PLOD2: variants seen among roughly 807,000 people sequenced by gnomAD.
PLOD2 encodes procollagen-lysine,2-oxoglutarate 5-dioxygenase 2.
In PLOD2, 65 loss-of-function variants were observed where a neutral mutation model predicts 101.0. The ratio of observed to expected loss-of-function variants is 0.64; its 90% CI spans 0.53 to 0.79. The LOEUF (loss-of-function observed/expected upper bound fraction) is 0.79, where lower values mean the gene tolerates loss of function less well. PLOD2 is among the 30% of genes least tolerant of loss of function. The pLI, the probability that PLOD2 is intolerant of heterozygous loss-of-function variation, is 0.00. For synonymous variants in PLOD2, 314 were observed against 302.9 expected (o/e 1.04, Z -0.38); for missense variants, 909 against 914.6 (o/e 0.99, Z 0.08).
Position 146,088,675 on chromosome 3 carries a change from G to T in PLOD2, c.916C>A (p.Gln306Lys). The T allele has an allele frequency of 6.2e-7, 1 of 1,607,384 alleles. No individual in the cohort carries two copies. Among genetic ancestry groups the T allele is most frequent in the Non-Finnish European group, 8.5e-7 (1 of 1,174,420 alleles). Residue 306 changes from glutamine to lysine, a missense_variant, in exon 9 of 20, where the codon CAA (glutamine) becomes AAA (lysine). Transcript: ENST00000282903. ...AACCGAGGTAGAAAAGGGGTTGGTT[G>T]CTCAATAAAAACACCTATTGATACG... is the stretch of plus-strand genomic sequence containing the variant. The part of the protein sequence containing the change: ...PNVSIGVFIE[Q>K]PTPFLPRFLD...
intron 11 of PLOD2, among the ~76,000 whole-genome samples, chr3:146,082,696 G>A (rs1936603101): frequency 6.6e-6 from 1 of 151,982 alleles, no homozygotes; most frequent in Admixed American, 6.6e-5. Flanking sequence ...TTTGAGACCA[G>A]CCTGACCAAC....
rs565505620 is a variant in PLOD2, at chr3:146,095,017, T to C, written c.778-3116A>G. The stretch of plus-strand genomic sequence containing the variant: ...TAGTGCTGGGAAAACTGGCTAGCCA[T>C]ATGCAGAAAACAGAAACTGGACCTC... On this transcript the variant is annotated intron_variant, in intron 7 of 19. Transcript: ENST00000282903. 1.6e-4 allele frequency among the ~76,000 whole-genome samples: 25 copies of C among 152,222 alleles called. No individual in the cohort carries two copies. The South Asian group carries it at 3.5e-3, about 21-fold the overall frequency.
At chr3:146,092,498 A>G (rs1937008855) in intron 7 of PLOD2, among the ~76,000 whole-genome samples, 1 of 152,116 alleles carries the variant, frequency 6.6e-6, no homozygotes, top group Admixed American at 6.5e-5. Flanking sequence ...CTTGCAGATC[A>G]AAACAGATCT....
intron 7 of PLOD2, among the ~76,000 whole-genome samples, chr3:146,098,537 C>T (rs374503883): frequency 6.6e-6 from 1 of 151,942 alleles, no homozygotes. Context: ...ACTGAGGAGA[C>T]ATAAAAACTG....
At chr3:146,155,829 T>C (rs1380206611) in intron 1 of PLOD2, among the ~76,000 whole-genome samples, 1 of 151,926 alleles carries the variant, frequency 6.6e-6, no homozygotes, top group East Asian at 1.9e-4. Context: ...AAAAAGAATA[T>C]GTCATTTTAA....
chr3:146,110,667 A>G (rs980436704), intron 3 of PLOD2, among the ~76,000 whole-genome samples: 2 of 152,208 alleles, frequency 1.3e-5, no homozygotes, highest in African/African-American at 2.4e-5. Flanking sequence ...AAGTCCAAAT[A>G]AAAGTCAGCT....
intron 10 of PLOD2, 62 bp downstream of exon 10, chr3:146,086,725 A>G (rs1936785065): frequency 2.5e-6 from 3 of 1,198,818 alleles, no homozygotes; most frequent in Admixed American, 5.3e-5. Context: ...TTAAAAGTTT[A>G]TTTTTTCTTA....
chr3:146,103,198 T>A (rs1319201350), intron 6 of PLOD2, among the ~76,000 whole-genome samples: 1 of 152,188 alleles, frequency 6.6e-6, no homozygotes, highest in East Asian at 1.9e-4. Context: ...GTTAAATTAG[T>A]AACTCAGTTT....
chr3:146,103,654 G>A (rs1045450835), intron 6 of PLOD2, among the ~76,000 whole-genome samples: 17 of 151,900 alleles, frequency 1.1e-4, no homozygotes, highest in African/African-American at 4.1e-4. Flanking sequence ...GGACTGACTT[G>A]AAGTATTGAT....
In PLOD2 at chr3:146,085,280, G is replaced by A; in HGVS notation, c.1128-7C>T. On this transcript the variant is annotated splice_region_variant and splice_polypyrimidine_tract_variant and intron_variant, in intron 10 of 19. Transcript: ENST00000282903. ...ATCCTGACGGCAAAAGTCCCTAACAGTGAAAAAGAAAATGAAATGGGCATG... is the reference window on the plus strand; with the variant it reads ...ATCCTGACGGCAAAAGTCCCTAACAATGAAAAAGAAAATGAAATGGGCATG... The A allele has an allele frequency of 6.9e-7, 1 of 1,448,046 alleles. No homozygotes were observed. Among genetic ancestry groups the A allele is most frequent in the South Asian group, 1.1e-5 (1 of 87,570 alleles). 89.7% of individuals were successfully genotyped at this position (1,448,046 alleles called of 1,614,324 possible).
At chr3:146,131,799 A>G (rs1197138284) in intron 1 of PLOD2, among the ~76,000 whole-genome samples, 1 of 152,236 alleles carries the variant, frequency 6.6e-6, no homozygotes, top group Non-Finnish European at 1.5e-5. Flanking sequence ...AAAAACTATG[A>G]CGAACTGAAG....
At chr3:146,125,240 A>G (rs1278294609) in intron 1 of PLOD2, among the ~76,000 whole-genome samples, 3 of 152,160 alleles carry the variant, frequency 2.0e-5, no homozygotes, top group Non-Finnish European at 4.4e-5. Flanking sequence ...AGCAACAATC[A>G]CCAAACATGG....
At chr3:146,119,566 A>G (rs1406003418) in intron 3 of PLOD2, among the ~76,000 whole-genome samples, 4 of 151,944 alleles carry the variant, frequency 2.6e-5, no homozygotes, top group East Asian at 1.9e-4. Flanking sequence ...AACATTAGGT[A>G]TATCTCCTAA....
chr3:146,104,213 G>C, intron 6 of PLOD2, 66 bp downstream of exon 6: 1 of 911,390 alleles, frequency 1.1e-6, no homozygotes, highest in Non-Finnish European at 1.9e-6. Context: ...CATAACAAAG[G>C]AAAGATAGTT....
intron 7 of PLOD2, among the ~76,000 whole-genome samples, chr3:146,102,446 T>C (rs908608171): frequency 1.3e-5 from 2 of 152,196 alleles, no homozygotes. Flanking sequence ...TCCTGAGCAA[T>C]TCCTAATGAG....
intron 1 of PLOD2, among the ~76,000 whole-genome samples, chr3:146,158,523 TATAA>T (rs1163069712): frequency 6.6e-6 from 1 of 152,200 alleles, no homozygotes; most frequent in South Asian, 2.1e-4. Flanking sequence ...TGAAAATCAC[TATAA>T]ATATTTGTTT....
At chr3:146,117,269 A>G (rs1937954828) in intron 3 of PLOD2, among the ~76,000 whole-genome samples, 1 of 152,200 alleles carries the variant, frequency 6.6e-6, no homozygotes, top group Admixed American at 6.5e-5. Flanking sequence ...CATAAAAAAT[A>G]AGAATGTTTT....
intron 1 of PLOD2, among the ~76,000 whole-genome samples, chr3:146,149,915 A>G (rs12498084): frequency 0.32 from 48,864 of 151,762 alleles, 8,149 homozygotes; most frequent in South Asian, 0.42. Flanking sequence ...ACCTGGAAAC[A>G]GTAGGAAAAA....
At chr3:146,123,104 A>G (rs1455097713) in intron 2 of PLOD2, among the ~76,000 whole-genome samples, 1 of 152,094 alleles carries the variant, frequency 6.6e-6, no homozygotes, top group Non-Finnish European at 1.5e-5. Context: ...CTATATTAAC[A>G]CTTAGCTGTT....
Sources: gnomAD v4.1 joint callset for allele counts (sites outside exome capture counted in the v4.1 genomes callset) on GRCh38, gnomAD v4.1.1 for gene constraint, MANE v1.5 for transcripts, NCBI Gene and HGNC (gene_info 2026-07-23, HGNC 2026-07-21) for gene names.